The following BRCA1 variants were observed in gnomAD, a reference collection of about 807,000 sequenced individuals.
BRCA1 encodes the protein BRCA1 DNA repair associated, also known as breast cancer type 1 susceptibility protein.
BRCA1 carries 140 observed loss-of-function variants against 173.7 expected under a neutral mutation model. That is an observed-to-expected ratio of 0.81 (90% CI 0.70 to 0.93). BRCA1 has a LOEUF of 0.93. BRCA1 is among the 40% of genes least tolerant of loss of function. The probability of loss-of-function intolerance (pLI) is 0.00; values close to 1 mark genes in which losing one functional copy is unlikely to be tolerated. For missense variants in BRCA1, 1,983 were observed against 2,172.5 expected, an observed-to-expected ratio of 0.91 and a Z score of 1.73; for synonymous variants, 662 against 756.0, an observed-to-expected ratio of 0.88 and a Z score of 2.04.
rs2154281078 is a variant in BRCA1 at position 43,091,678 on chromosome 17, G to A, written c.3853C>T (p.Leu1285Phe). 6.2e-7 allele frequency: 1 copy of A among 1,614,184 alleles called. No individual in the cohort carries two copies. Among genetic ancestry groups the A allele is most frequent in the Non-Finnish European group, 8.5e-7 (1 of 1,180,010 alleles). Residue 1285 changes from leucine to phenylalanine, a missense_variant, in exon 10 of 23, where the codon CTT (leucine) becomes TTT (phenylalanine). Physicochemically the swap from Leu to Phe is conservative, Grantham distance 22. Transcript: ENST00000357654. The stretch of plus-strand genomic sequence containing the variant: ...GCAGAACATTTTGTTTCCTCACTAA[G>A]GTGATGTTCCTGAGATGCCTTTGCC... ...ILAKASQEHH[L>F]SEETKCSASL...
rs80357848 is a variant in BRCA1, at chr17:43,091,766, G to GT, written c.3764dup (p.Asn1255LysfsTer12). The GT allele has an allele frequency of 1.2e-6, 2 of 1,613,964 alleles. No individual in the cohort carries two copies. The highest frequency in any genetic ancestry group is 2.7e-5 in the African/African-American group (2 of 74,928). ...TCAATGATAATAAATTCTCCTCTGT[G>GT]TTCTTAGACAGACACTCGGTAGCAA... On this transcript the variant is annotated frameshift_variant, in exon 10 of 23. Transcript: ENST00000357654. LOFTEE classifies it high-confidence loss of function.
chr17:43,107,362 C>T (rs990575038), intron 3 of BRCA1, among the ~76,000 whole-genome samples: 4 of 150,412 alleles, frequency 2.7e-5, no homozygotes, highest in East Asian at 1.9e-4. Flanking sequence ...CATGCCTGGC[C>T]GACGATTTTT....
rs1253690897 is a variant in BRCA1, at chr17:43,125,314, C to T, written c.-63G>A. The T allele has an allele frequency of 2.2e-6, 1 of 456,062 alleles. No individual in the cohort carries two copies. The highest frequency in any genetic ancestry group is 1.5e-5 in the South Asian group (1 of 64,558). The allele number at this position is 456,062 out of a possible 1,614,324, so 28.3% of individuals were successfully genotyped here. On this transcript the variant is annotated 5_prime_UTR_variant, in exon 1 of 23. Coordinates refer to ENST00000357654, the MANE Select transcript of BRCA1 (RefSeq NM_007294.4). ...GTGAAGGCCTCCTGAGCGCAGGGGCCCAGTTATCTGAGAAACCCCACAGCC... is the reference window on the plus strand; with the variant it reads ...GTGAAGGCCTCCTGAGCGCAGGGGCTCAGTTATCTGAGAAACCCCACAGCC...
At position 43,125,258 on chromosome 17, in the gene BRCA1, G is replaced by A. The variant is rs770368390; in HGVS notation, c.-20+13C>T. 18 of 455,896 alleles carry A rather than the reference G, an allele frequency of 3.9e-5. No homozygotes were observed. The highest frequency in any genetic ancestry group is 2.8e-4 in the South Asian group (18 of 64,556). 28.2% of individuals were successfully genotyped at this position (455,896 alleles called of 1,614,324 possible). On this transcript the variant is annotated intron_variant, in intron 1 of 22. Coordinates refer to ENST00000357654, the MANE Select transcript of BRCA1 (RefSeq NM_007294.4). ...CACTTGGGCCCCCTGTCCCTTTCCCGGGACTCTACTACCTTTACCCAGAGC... is the reference window on the plus strand; with the variant it reads ...CACTTGGGCCCCCTGTCCCTTTCCCAGGACTCTACTACCTTTACCCAGAGC...
intron 19 of BRCA1, among the ~76,000 whole-genome samples, chr17:43,056,238 A>C (rs2051452763): frequency 6.6e-6 from 1 of 151,232 alleles, no homozygotes; most frequent in Non-Finnish European, 1.5e-5. Context: ...CAGTGGCGCA[A>C]TCTCCGTTCA....
intron 22 of BRCA1, among the ~76,000 whole-genome samples, chr17:43,046,518 C>T (rs940325604): frequency 4.6e-5 from 7 of 151,970 alleles, no homozygotes; most frequent in African/African-American, 1.7e-4. Flanking sequence ...CTGCCTCAGT[C>T]TCCCAAGTAG....
intron 14 of BRCA1, among the ~76,000 whole-genome samples, chr17:43,071,671 A>G (rs1022385669): frequency 6.6e-6 from 1 of 152,196 alleles, no homozygotes; most frequent in African/African-American, 2.4e-5. Flanking sequence ...TATTAAAGAC[A>G]CCTAAGCAAT....
intron 21 of BRCA1, among the ~76,000 whole-genome samples, chr17:43,048,819 C>G (rs1230813999): frequency 6.6e-6 from 1 of 152,020 alleles, no homozygotes; most frequent in Non-Finnish European, 1.5e-5. Flanking sequence ...TGCCCAGCCT[C>G]CAGCCCATCA....
intron 1 of BRCA1, chr17:43,138,659 G>C (rs1054916436): frequency 7.7e-6 from 6 of 777,608 alleles, no homozygotes; most frequent in Non-Finnish European, 1.2e-5. Context: ...CTGTGCAGGT[G>C]CTGGAAGCCC....
Position 43,074,039 on chromosome 17 carries a change from G to A in BRCA1, c.4675+292C>T, listed in dbSNP as rs1452462140. On this transcript the variant is annotated intron_variant, in intron 14 of 22. Transcript: ENST00000357654. ...CCTGGAGTACTGGGATTACAGGCGT[G>A]AGCCACTATGCCTGGCCTGAAATAA... Among the ~76,000 whole-genome samples the A allele has an allele frequency of 3.3e-5, 5 of 152,214 alleles. No homozygotes were observed. In the South Asian group the frequency reaches 6.2e-4, roughly 19 times the overall value.
rs2052579829 is a variant in BRCA1 at position 43,074,251 on chromosome 17, G to A, written c.4675+80C>T. 30 of 1,483,412 alleles carry A rather than the reference G, an allele frequency of 2.0e-5. No individual in the cohort carries two copies. The South Asian group carries it at 3.3e-4, about 16-fold the overall frequency. 91.9% of individuals were successfully genotyped at this position (1,483,412 alleles called of 1,614,324 possible). A position where few individuals can be genotyped will look rare whatever the true frequency, so the allele number is the denominator to read the frequency against. ...CCATGATAGACTAGTACATCTAAAA[G>A]TTGGTTAACCAGAATATCTTTATGT... On this transcript the variant is annotated intron_variant, in intron 14 of 22. Coordinates refer to ENST00000357654, the MANE Select transcript of BRCA1 (RefSeq NM_007294.4).
intron 2 of BRCA1, among the ~76,000 whole-genome samples, chr17:43,121,964 A>C (rs2055598458): frequency 6.6e-6 from 1 of 152,110 alleles, no homozygotes; most frequent in East Asian, 1.9e-4. Flanking sequence ...GTCATGAGTA[A>C]GTTTTGTGCT....
chr17:43,155,803 A>G (rs546245559), intron 1 of BRCA1, among the ~76,000 whole-genome samples: 3 of 152,298 alleles, frequency 2.0e-5, no homozygotes, highest in East Asian at 3.9e-4. Flanking sequence ...GATTACAGGT[A>G]TGAGCCACTA....
chr17:43,106,434 G>C (rs2154554527), intron 4 of BRCA1, 22 bp downstream of exon 4: 1 of 1,481,820 alleles, frequency 6.7e-7, no homozygotes, highest in African/African-American at 1.4e-5. Context: ...TTCCAACCTA[G>C]CATCATTACC....
intron 13 of BRCA1, among the ~76,000 whole-genome samples, chr17:43,076,019 A>G (rs1314713551): frequency 6.6e-6 from 1 of 151,862 alleles, no homozygotes; most frequent in African/African-American, 2.4e-5. Flanking sequence ...CTTGAGCCTG[A>G]AAAACGGAGG....
At chr17:43,108,291 T>C (rs1468776807) in intron 3 of BRCA1, among the ~76,000 whole-genome samples, 1 of 150,896 alleles carries the variant, frequency 6.6e-6, no homozygotes, top group Non-Finnish European at 1.5e-5. Context: ...TGAGCCAATA[T>C]TGCACCATTG....
upstream of BRCA1, among the ~76,000 whole-genome samples, chr17:43,128,567 G>A (rs1441418470): frequency 6.6e-6 from 1 of 152,154 alleles, no homozygotes; most frequent in Non-Finnish European, 1.5e-5. Context: ...AGTAGAAAGA[G>A]GGCCCAGGCA....
rs563531357 is a variant in BRCA1 at position 43,100,338 on chromosome 17, C to A, written c.442-458G>T. 2.1e-4 allele frequency among the ~76,000 whole-genome samples: 31 copies of A among 145,674 alleles called. No individual in the cohort carries two copies. The South Asian group carries it at 6.0e-3, about 28-fold the overall frequency. ...TATACATTCCAATCACATCTGATAA[C>A]TTTTTTTTTTGTTTTGGGGGGTGTA... On this transcript the variant is annotated intron_variant, in intron 6 of 22. Transcript: ENST00000357654.
chr17:43,121,413 G>A (rs1322105198), intron 2 of BRCA1, among the ~76,000 whole-genome samples: 4 of 151,364 alleles, frequency 2.6e-5, no homozygotes, highest in Middle Eastern at 3.4e-3. Flanking sequence ...GTCTGGGAGC[G>A]GTGGCTCACG....
Sources: allele counts gnomAD v4.1 joint callset (sites outside exome capture counted in the v4.1 genomes callset), GRCh38; gene constraint gnomAD v4.1.1; transcripts MANE v1.5; gene names NCBI Gene and HGNC (gene_info 2026-07-23, HGNC 2026-07-21).